KLHL14: variants seen among roughly 807,000 people sequenced by gnomAD.
KLHL14 encodes the protein kelch like family member 14.
Under a neutral mutation model 64.3 loss-of-function variants are expected in KLHL14, and 22 were observed. The ratio of observed to expected loss-of-function variants is 0.34; its 90% CI spans 0.24 to 0.49. The LOEUF is 0.49. Ranked by LOEUF, KLHL14 falls within the 20% of genes least tolerant of loss-of-function variation. KLHL14 has a pLI of 0.99. For synonymous variants in KLHL14, 322 were observed against 333.4 expected (o/e 0.97, Z 0.37); for missense variants, 661 against 789.0 (o/e 0.84, Z 1.94).
intron 3 of KLHL14, among the ~76,000 whole-genome samples, chr18:32,708,935 C>T (rs2050004709): frequency 1.3e-5 from 2 of 152,152 alleles, no homozygotes; most frequent in African/African-American, 4.8e-5. Flanking sequence ...GCCCAGTAAA[C>T]CCCCTATATT....
chr18:32,714,109 CAAATTTACT>C (rs1474134130), intron 3 of KLHL14, among the ~76,000 whole-genome samples: 4 of 151,936 alleles, frequency 2.6e-5, no homozygotes, highest in Admixed American at 6.6e-5. Context: ...AGTAAATTTA[CAAATTTACT>C]AAATTTACTA....
chr18:32,740,839 C>A (rs1386409461), intron 3 of KLHL14: 1 of 152,148 alleles, frequency 6.6e-6, no homozygotes, highest in African/African-American at 2.4e-5. Context: ...GACAATGCTA[C>A]TGCAGGTTTC....
At chr18:32,695,267 G>A (rs901965423) in intron 4 of KLHL14, among the ~76,000 whole-genome samples, 196 bp downstream of exon 4, 3 of 152,056 alleles carry the variant, frequency 2.0e-5, no homozygotes, top group East Asian at 1.9e-4. Flanking sequence ...ATGAGTGATC[G>A]CTCTGCTACA....
At chr18:32,715,130 G>A (rs942338823) in intron 3 of KLHL14, among the ~76,000 whole-genome samples, 3 of 152,086 alleles carry the variant, frequency 2.0e-5, no homozygotes, top group African/African-American at 4.8e-5. Flanking sequence ...TATTGTTAAA[G>A]ATAGATTTTT....
intron 3 of KLHL14, among the ~76,000 whole-genome samples, chr18:32,736,651 C>T (rs2050167881): frequency 6.6e-6 from 1 of 152,126 alleles, no homozygotes; most frequent in Non-Finnish European, 1.5e-5. Context: ...AGCCCCATTG[C>T]TTACTAGTCC....
intron 3 of KLHL14, among the ~76,000 whole-genome samples, chr18:32,718,425 T>C (rs148692585): frequency 1.9e-4 from 29 of 152,324 alleles, no homozygotes; most frequent in African/African-American, 6.7e-4. Flanking sequence ...AAATTTCCCA[T>C]GCACCTTCTG....
chr18:32,698,372 G>A (rs2049946793), intron 3 of KLHL14, among the ~76,000 whole-genome samples: 1 of 152,126 alleles, frequency 6.6e-6, no homozygotes, highest in South Asian at 2.1e-4. Flanking sequence ...TAGAGGGAAA[G>A]GGGAAAGAGA....
chr18:32,722,104 A>T (rs1375218241), intron 3 of KLHL14, among the ~76,000 whole-genome samples: 1 of 152,204 alleles, frequency 6.6e-6, no homozygotes, highest in East Asian at 1.9e-4. Flanking sequence ...CTGCTGCCAT[A>T]TAAAACGTGA....
chr18:32,697,846 C>G (rs182207973), intron 3 of KLHL14, among the ~76,000 whole-genome samples: 1 of 152,310 alleles, frequency 6.6e-6, no homozygotes. Context: ...TGAAGTCCTA[C>G]TTTAAAGGCT....
At chr18:32,771,058 G>A in intron 1 of KLHL14, 1 of 299,352 alleles carries the variant, frequency 3.3e-6, no homozygotes, top group Non-Finnish European at 7.0e-6. Flanking sequence ...GGGAAGTGGG[G>A]AGCCGGGGGT....
chr18:32,744,118 T>C (rs2050212715), intron 2 of KLHL14: 1 of 152,060 alleles, frequency 6.6e-6, no homozygotes, highest in Non-Finnish European at 1.5e-5. Context: ...GAAGTGGCGG[T>C]TGTGACAAAA....
intron 2 of KLHL14, among the ~76,000 whole-genome samples, chr18:32,760,965 G>T (rs773215883): frequency 3.9e-5 from 6 of 152,086 alleles, no homozygotes; most frequent in Non-Finnish European, 7.4e-5. Flanking sequence ...CTATTTCTGT[G>T]CTATCAGTGA....
intron 4 of KLHL14, among the ~76,000 whole-genome samples, chr18:32,693,573 C>G (rs972599685): frequency 6.6e-6 from 1 of 152,044 alleles, no homozygotes; most frequent in Non-Finnish European, 1.5e-5. Flanking sequence ...ATAGTCACAT[C>G]GTTAGCATTA....
intron 3 of KLHL14, among the ~76,000 whole-genome samples, chr18:32,721,231 A>C (rs777702308): frequency 6.6e-6 from 1 of 152,220 alleles, no homozygotes; most frequent in South Asian, 2.1e-4. Flanking sequence ...AAGGGGCAAA[A>C]CCCACATTTG....
At chr18:32,698,726 T>C (rs1250630225) in intron 3 of KLHL14, among the ~76,000 whole-genome samples, 2 of 152,162 alleles carry the variant, frequency 1.3e-5, no homozygotes, top group Admixed American at 6.6e-5. Context: ...CAGGTAGTGC[T>C]AGGAGAAAGA....
chr18:32,717,608 C>A (rs920424460), intron 3 of KLHL14, among the ~76,000 whole-genome samples: 63 of 152,180 alleles, frequency 4.1e-4, no homozygotes, highest in African/African-American at 1.5e-3. Flanking sequence ...CTCTCTATCT[C>A]TTCCCCCTTC....
intron 3 of KLHL14, among the ~76,000 whole-genome samples, chr18:32,716,629 G>T (rs1325813869): frequency 6.6e-6 from 1 of 152,148 alleles, no homozygotes; most frequent in Non-Finnish European, 1.5e-5. Context: ...ATGTTGGCCA[G>T]GCTGGTCTCA....
intron 4 of KLHL14, 61 bp from the exon 5 acceptor site, chr18:32,687,294 T>C: frequency 3.1e-6 from 4 of 1,310,500 alleles, no homozygotes; most frequent in South Asian, 1.2e-5. Flanking sequence ...GCACATGTAG[T>C]AGTGTTTTAT....
At chr18:32,675,833 T>C (rs1280219434) in intron 8 of KLHL14, among the ~76,000 whole-genome samples, 1 of 152,184 alleles carries the variant, frequency 6.6e-6, no homozygotes, top group East Asian at 1.9e-4. Context: ...CAAGTGCACA[T>C]ATGAATATCT....
Sources: gnomAD v4.1 joint callset for allele counts (sites outside exome capture counted in the v4.1 genomes callset) on GRCh38, gnomAD v4.1.1 for gene constraint, MANE v1.5 for transcripts, NCBI Gene and HGNC (gene_info 2026-07-23, HGNC 2026-07-21) for gene names.